Variants in NTM observed in about 807,000 individuals in gnomAD.
NTM encodes the protein IgLON family member 2.
A neutral mutation model predicts 42.1 loss-of-function variants in NTM; 13 were observed. That is an observed-to-expected ratio of 0.31 (90% CI 0.20 to 0.49). The LOEUF (loss-of-function observed/expected upper bound fraction) is 0.49, where lower values mean the gene tolerates loss of function less well. Ranked by LOEUF, NTM falls within the 20% of genes least tolerant of loss-of-function variation. NTM has a pLI of 0.99. For missense variants in NTM, 373 were observed against 452.8 expected, an observed-to-expected ratio of 0.82 and a Z score of 1.60; for synonymous variants, 187 against 179.2, an observed-to-expected ratio of 1.04 and a Z score of -0.35.
chr11:131,642,850 C>T (rs758053516), intron 1 of NTM, among the ~76,000 whole-genome samples: 8 of 152,084 alleles, frequency 5.3e-5, no homozygotes, highest in Non-Finnish European at 1.0e-4. Flanking sequence ...TCCTCAGTCC[C>T]CCTCTGCTAC....
At position 131,432,839 on chromosome 11, in the gene NTM, C is replaced by CTTT. The variant is rs377739708; in HGVS notation, c.82+61981_82+61983dup. On this transcript the variant is annotated intron_variant, in intron 1 of 8. Coordinates refer to ENST00000683400, the MANE Select transcript of NTM (RefSeq NM_001352005.2). ...CTACAAAAGATGAAGATTTAGCATT[C>CTTT]TTTTTTTTTTTTTTTTTTTTTTTTT... Among the ~76,000 whole-genome samples the CTTT allele has an allele frequency of 2.2e-3, 148 of 68,692 alleles. 8 individuals carry two copies. The highest frequency in any genetic ancestry group is 0.011 in the Middle Eastern group (1 of 92). The allele number at this position is 68,692 out of a possible 152,430, so 45.1% of individuals were successfully genotyped here. A position where few individuals can be genotyped will look rare whatever the true frequency, so the allele number is the denominator to read the frequency against.
chr11:132,213,183 G>T (rs777724323), intron 4 of NTM, among the ~76,000 whole-genome samples: 3 of 152,184 alleles, frequency 2.0e-5, no homozygotes, highest in African/African-American at 4.8e-5. Flanking sequence ...TGCACAGATG[G>T]ATGAAGGTGT....
At chr11:131,998,208 G>A (rs951777283) in intron 2 of NTM, among the ~76,000 whole-genome samples, 4 of 152,148 alleles carry the variant, frequency 2.6e-5, no homozygotes, top group Non-Finnish European at 5.9e-5. Flanking sequence ...AACCCTTGGA[G>A]TATATTTTAA....
At chr11:132,150,490 C>G (rs1251873831) in intron 3 of NTM, among the ~76,000 whole-genome samples, 2 of 152,066 alleles carry the variant, frequency 1.3e-5, no homozygotes, top group African/African-American at 4.8e-5. Flanking sequence ...GGTGTTAAAG[C>G]TAGAATGGCT....
In NTM at chr11:132,049,117, G is replaced by A. The variant is rs375192695; in HGVS notation, c.168-97165G>A. On this transcript the variant is annotated intron_variant, in intron 2 of 8. Transcript: ENST00000683400. ...TAATTGGAGGGAGATGTAGCCTCCT[G>A]ACTTTGAGGCCACACACCTCACATA... 1.4e-4 allele frequency among the ~76,000 whole-genome samples: 21 copies of A among 152,246 alleles called. 2 individuals carry two copies. Among genetic ancestry groups the A allele is most frequent in the African/African-American group, 4.8e-4 (20 of 41,558 alleles).
chr11:132,266,113 C>G (rs1400414339), intron 4 of NTM, among the ~76,000 whole-genome samples: 1 of 152,218 alleles, frequency 6.6e-6, no homozygotes, highest in Non-Finnish European at 1.5e-5. Context: ...CAGTAATACA[C>G]CTGCCTGCCT....
In NTM at chr11:132,225,310, TAAAAA is replaced by T. The variant is rs568067821; in HGVS notation, c.526+13170_526+13174del. Reference sequence around the variant, plus strand: ...GAGAGGTAGTGCCATGGAGAAAAATTAAAAAAAAAAAGACATGGGTGAAGAAAGCC... The same window carrying T: ...GAGAGGTAGTGCCATGGAGAAAAATTAAAAAAGACATGGGTGAAGAAAGCC... On this transcript the variant is annotated intron_variant, in intron 4 of 8. Transcript: ENST00000683400. Among the ~76,000 whole-genome samples the T allele has an allele frequency of 2.1e-5, 3 of 144,994 alleles. No individual in the cohort carries two copies. In the South Asian group the frequency reaches 6.6e-4, roughly 32 times the overall value.
chr11:131,721,953 C>T (rs759687083), intron 1 of NTM, among the ~76,000 whole-genome samples: 9 of 127,716 alleles, frequency 7.0e-5, no homozygotes, highest in South Asian at 2.6e-4. Context: ...GAGCCGAGAT[C>T]GTGCCATTGC....
chr11:131,666,189 T>C (rs2069011374), intron 1 of NTM, among the ~76,000 whole-genome samples: 1 of 152,116 alleles, frequency 6.6e-6, no homozygotes, highest in Non-Finnish European at 1.5e-5. Flanking sequence ...AGTGACTGAG[T>C]GAGGCCAGCC....
chr11:131,811,725 A>T (rs1002329703), intron 1 of NTM, among the ~76,000 whole-genome samples: 3 of 152,228 alleles, frequency 2.0e-5, no homozygotes, highest in Admixed American at 2.0e-4. Context: ...GGGCTCATTT[A>T]CATGTAAAAT....
At chr11:131,805,537 A>T (rs2092431751) in intron 1 of NTM, among the ~76,000 whole-genome samples, 1 of 152,210 alleles carries the variant, frequency 6.6e-6, no homozygotes, top group Non-Finnish European at 1.5e-5. Flanking sequence ...TCCTTAATTT[A>T]AAAAAAGTTT....
chr11:131,640,369 G>A (rs1391394325), intron 1 of NTM, among the ~76,000 whole-genome samples: 1 of 152,210 alleles, frequency 6.6e-6, no homozygotes, highest in Non-Finnish European at 1.5e-5. Context: ...CACAAAGGAA[G>A]ACGCAGCCTT....
At chr11:131,454,370 G>A (rs188272602) in intron 1 of NTM, among the ~76,000 whole-genome samples, 1 of 152,256 alleles carries the variant, frequency 6.6e-6, no homozygotes, top group South Asian at 2.1e-4. Flanking sequence ...CCTTGAGTAA[G>A]GGGGGACTAC....
intron 1 of NTM, among the ~76,000 whole-genome samples, chr11:131,381,417 A>G (rs1942665800): frequency 6.6e-6 from 1 of 152,216 alleles, no homozygotes; most frequent in Admixed American, 6.5e-5. Context: ...ATACACGAAT[A>G]TTTATAGTTG....
chr11:131,944,757 T>C (rs1279060234), intron 2 of NTM, among the ~76,000 whole-genome samples: 1 of 152,222 alleles, frequency 6.6e-6, no homozygotes, highest in Non-Finnish European at 1.5e-5. Context: ...AGCACATTTA[T>C]GTGTTGGAGT....
At chr11:131,419,015 C>T (rs755589921) in intron 1 of NTM, among the ~76,000 whole-genome samples, 15 of 152,144 alleles carry the variant, frequency 9.9e-5, no homozygotes, top group Non-Finnish European at 1.8e-4. Context: ...CAGGGTGAGT[C>T]GAGCAACTCA....
chr11:132,001,662 C>G (rs892190648), intron 2 of NTM, among the ~76,000 whole-genome samples: 4 of 152,106 alleles, frequency 2.6e-5, no homozygotes, highest in Non-Finnish European at 5.9e-5. Context: ...GATCTCCCCC[C>G]ATTACCCAAA....
At chr11:131,966,944 C>CTTCCTTTAGA (rs2062913925) in intron 2 of NTM, among the ~76,000 whole-genome samples, 1 of 152,064 alleles carries the variant, frequency 6.6e-6, no homozygotes, top group Non-Finnish European at 1.5e-5. Context: ...AAGGAAGAGC[C>CTTCCTTTAGA]AGTAAGACTT....
At chr11:131,400,145 C>T (rs1047680984) in intron 1 of NTM, among the ~76,000 whole-genome samples, 3 of 151,942 alleles carry the variant, frequency 2.0e-5, no homozygotes, top group African/African-American at 7.3e-5. Flanking sequence ...CCGAGAAGGG[C>T]CCCAGTAAAG....
Sources: allele counts gnomAD v4.1 joint callset (sites outside exome capture counted in the v4.1 genomes callset), GRCh38; gene constraint gnomAD v4.1.1; transcripts MANE v1.5; gene names NCBI Gene and HGNC (gene_info 2026-07-23, HGNC 2026-07-21).